The following COP1 variants were observed in gnomAD, a reference collection of about 807,000 sequenced individuals.
COP1 encodes the protein COP1 E3 ubiquitin ligase.
In COP1, 24 loss-of-function variants were observed where a neutral mutation model predicts 101.3. The observed-to-expected ratio is 0.24, with a 90% CI of 0.17 to 0.33. COP1 has a LOEUF of 0.33. Among genes scored for constraint, COP1 ranks in the 10% least tolerant of loss-of-function variants. The probability of loss-of-function intolerance (pLI) is 1.00; values close to 1 mark genes in which losing one functional copy is unlikely to be tolerated. For missense variants in COP1, 663 were observed against 906.2 expected (o/e 0.73, Z 3.45); for synonymous variants, 347 against 341.9 (o/e 1.01, Z -0.17).
At chr1:176,003,242 G>A (rs1223456309) in intron 15 of COP1, among the ~76,000 whole-genome samples, 1 of 152,102 alleles carries the variant, frequency 6.6e-6, no homozygotes, top group East Asian at 1.9e-4. Flanking sequence ...TCTAGATTCT[G>A]GATATTAGCC....
intron 3 of COP1, among the ~76,000 whole-genome samples, chr1:176,173,890 C>T (rs969562684): frequency 5.8e-5 from 8 of 138,972 alleles, no homozygotes; most frequent in East Asian, 2.3e-4. Flanking sequence ...AGAGAGACTG[C>T]GGCAGGAGAA....
At chr1:175,961,601 C>T (rs1044702565) in intron 18 of COP1, among the ~76,000 whole-genome samples, 9 of 145,330 alleles carry the variant, frequency 6.2e-5, no homozygotes, top group Non-Finnish European at 1.0e-4. Context: ...GAGGCTGAGG[C>T]GGGAGGATCA....
chr1:176,072,584 G>T (rs777696237), intron 11 of COP1, among the ~76,000 whole-genome samples: 1 of 152,142 alleles, frequency 6.6e-6, no homozygotes, highest in South Asian at 2.1e-4. Flanking sequence ...AAGTACATTG[G>T]CAGTCTTAAA....
chr1:175,958,356 G>A (rs1308996418), intron 18 of COP1, among the ~76,000 whole-genome samples: 1 of 103,128 alleles, frequency 9.7e-6, no homozygotes, highest in African/African-American at 2.9e-5. Context: ...CTATATTTAT[G>A]AGATCTCTGT....
intron 15 of COP1, among the ~76,000 whole-genome samples, chr1:176,017,876 C>G (rs1400333930): frequency 2.6e-5 from 4 of 152,094 alleles, no homozygotes. Context: ...TTCCTTTAAG[C>G]CTTTGATGGT....
At chr1:175,969,932 A>G (rs1011092156) in intron 18 of COP1, among the ~76,000 whole-genome samples, 2 of 152,204 alleles carry the variant, frequency 1.3e-5, no homozygotes, top group Non-Finnish European at 2.9e-5. Context: ...AGTAGTAATA[A>G]TACTAGTGTA....
intron 14 of COP1, among the ~76,000 whole-genome samples, chr1:176,034,173 G>A (rs1031101668): frequency 5.9e-5 from 9 of 152,120 alleles, no homozygotes; most frequent in Admixed American, 2.0e-4. Context: ...AATGAAATTC[G>A]GGATGAAGAG....
Position 176,135,082 on chromosome 1 carries a change from A to G in COP1, c.896T>C (p.Met299Thr), listed in dbSNP as rs1233750168. Residue 299 changes from methionine (M) to threonine (T), a missense_variant, in exon 8 of 20, where the codon ATG (methionine) becomes ACG (threonine). This residue lies in a region of COP1 where 212 missense variants were observed against 240.7 expected (regional missense o/e 0.88). Coordinates refer to ENST00000367669, the MANE Select transcript of COP1 (RefSeq NM_022457.7). ...LEEDIKRVEE[M>T]SGLYSPVSED... The stretch of plus-strand genomic sequence containing the variant: ...ACTGACAGGAGAGTATAAGCCACTC[A>G]TTTCCTGAAAATAAAATTATTTGAA... 4 of 1,595,012 alleles carry G rather than the reference A, an allele frequency of 2.5e-6. No homozygotes were observed. The African/African-American group carries it at 5.4e-5, about 21-fold the overall frequency.
intron 11 of COP1, among the ~76,000 whole-genome samples, chr1:176,058,554 A>C (rs1037540299): frequency 3.9e-5 from 6 of 152,156 alleles, no homozygotes; most frequent in Non-Finnish European, 7.4e-5. Flanking sequence ...AGATGATTGA[A>C]GGCAGCATGC....
chr1:176,028,518 T>C (rs1668074201), intron 14 of COP1, among the ~76,000 whole-genome samples: 1 of 138,940 alleles, frequency 7.2e-6, no homozygotes, highest in African/African-American at 2.7e-5. Flanking sequence ...TGAGCTGAGA[T>C]CATGCCACCA....
rs1326454203 is a variant in COP1, at chr1:175,988,360, G to A, written c.1900C>T (p.Arg634Cys). ...LWNVGKPYCL[R>C]SFKGHINEKN... ...TCATTGATATGACCCTTGAAGGAAC[G>A]TAGGCAGTATGGTTTCCCTACATTC... The change falls in exon 17 of 20, where the codon CGT (arginine) becomes TGT (cysteine). Residue 634 changes from arginine to cysteine, a missense_variant. By Grantham distance (180) the Arg-to-Cys change is radical. Around this residue, in one of 4 missense-constraint regions of COP1, gnomAD observed 209 missense variants for 383.3 expected, o/e 0.55. Coordinates refer to ENST00000367669, the MANE Select transcript of COP1 (RefSeq NM_022457.7). The A allele has an allele frequency of 4.3e-6, 7 of 1,611,370 alleles. No individual in the cohort carries two copies. Among genetic ancestry groups the A allele is most frequent in the Middle Eastern group, 1.7e-4 (1 of 6,038 alleles).
At position 176,206,992 on chromosome 1, in the gene COP1, C is replaced by T. The variant is rs562410182; in HGVS notation, c.-14G>A. On this transcript the variant is annotated 5_prime_UTR_variant, in exon 1 of 20. Coordinates refer to ENST00000367669, the MANE Select transcript of COP1 (RefSeq NM_022457.7). The stretch of plus-strand genomic sequence containing the variant: ...GCTACCAGACATCGTGACTCCCTCC[C>T]CTCCAGCCGGGCGCTCGGAGGAGAG... The T allele has an allele frequency of 5.1e-6, 7 of 1,367,830 alleles. No individual in the cohort carries two copies. The African/African-American group carries it at 9.1e-5, about 18-fold the overall frequency. The allele number at this position is 1,367,830 out of a possible 1,614,324, so 84.7% of individuals were successfully genotyped here. A position where few individuals can be genotyped will look rare whatever the true frequency, so the allele number is the denominator to read the frequency against.
chr1:176,063,839 C>T (rs1675420874), intron 11 of COP1, among the ~76,000 whole-genome samples: 1 of 152,108 alleles, frequency 6.6e-6, no homozygotes, highest in South Asian at 2.1e-4. Context: ...CTGTAGCTCT[C>T]GTTAAACCAA....
At chr1:176,027,330 A>G (rs183087358) in intron 15 of COP1, among the ~76,000 whole-genome samples, 28 of 152,362 alleles carry the variant, frequency 1.8e-4, no homozygotes, top group Non-Finnish European at 3.1e-4. Flanking sequence ...TATAAACACT[A>G]AGAAAAATGA....
At chr1:176,176,689 T>C (rs1696985431) in intron 2 of COP1, among the ~76,000 whole-genome samples, 1 of 151,930 alleles carries the variant, frequency 6.6e-6, no homozygotes, top group Non-Finnish European at 1.5e-5. Flanking sequence ...CATGATAGCA[T>C]ATGCAGCTAC....
chr1:175,974,480 A>G (rs1654015397), intron 18 of COP1, among the ~76,000 whole-genome samples: 1 of 152,226 alleles, frequency 6.6e-6, no homozygotes, highest in Non-Finnish European at 1.5e-5. Flanking sequence ...ACAGAATCTG[A>G]GGAGACAAAG....
intron 15 of COP1, among the ~76,000 whole-genome samples, chr1:176,023,363 G>A (rs1023052759): frequency 3.3e-5 from 5 of 152,172 alleles, no homozygotes; most frequent in Admixed American, 2.0e-4. Context: ...AATTATAAAG[G>A]AATGTTATTA....
chr1:175,956,482 T>C lies in COP1; in HGVS notation c.2134-9243A>G, dbSNP rs12029663. Among the ~76,000 whole-genome samples, 504 of 151,584 alleles carry C rather than the reference T, an allele frequency of 3.3e-3. 12 individuals are homozygous for C. In the East Asian group the frequency reaches 0.044, roughly 13 times the overall value. ...ACTATTTTTTAGGATGCAAAAAACA[T>C]GTACAATAAAGGAAAAAAAAAACCC... On this transcript the variant is annotated intron_variant, in intron 18 of 19. Transcript: ENST00000367669.
At chr1:176,060,336 AATCAATATACTTAAT>A (rs1674616187) in intron 11 of COP1, among the ~76,000 whole-genome samples, 1 of 152,204 alleles carries the variant, frequency 6.6e-6, no homozygotes, top group Non-Finnish European at 1.5e-5. Context: ...TGCCCTTTAA[AATCAATATACTTAAT>A]ATCAACTTTT....
Sources: allele counts gnomAD v4.1 joint callset (sites outside exome capture counted in the v4.1 genomes callset), GRCh38; gene constraint gnomAD v4.1.1; regional missense constraint gnomAD v4.1.1; transcripts MANE v1.5; gene names NCBI Gene and HGNC (gene_info 2026-07-23, HGNC 2026-07-21).